Variants in NIN observed in about 807,000 individuals in gnomAD.
The protein encoded by NIN is ninein.
A neutral mutation model predicts 257.6 loss-of-function variants in NIN; 137 were observed. The observed-to-expected ratio is 0.53, with a 90% CI of 0.46 to 0.61. NIN has a LOEUF of 0.61. Among genes scored for constraint, NIN ranks in the 20% least tolerant of loss-of-function variants. The pLI, the probability that NIN is intolerant of heterozygous loss-of-function variation, is 0.00. For synonymous variants in NIN, 918 were observed against 919.8 expected (o/e 1.00, Z 0.04); for missense variants, 2,439 against 2,501.2 (o/e 0.98, Z 0.53).
rs1027025772 is a variant in NIN at position 50,723,364 on chromosome 14, T to C, written c.*99A>G. On this transcript the variant is annotated 3_prime_UTR_variant, in exon 31 of 31. Transcript: ENST00000530997. ...TAAATGGAAACTCCAGTTGTGTTGC[T>C]GGCAGTTTTAGGTTAGGCTTAATTT... 4 of 939,648 alleles carry C rather than the reference T, an allele frequency of 4.3e-6. No individual in the cohort carries two copies. The highest frequency in any genetic ancestry group is 2.5e-5 in the Admixed American group (1 of 39,736). 58.2% of individuals were successfully genotyped at this position (939,648 alleles called of 1,614,324 possible).
rs2045245198 is a variant in NIN, at chr14:50,822,004, T to C, written c.53A>G (p.Asp18Gly). 1 of 1,614,108 alleles carries C rather than the reference T, an allele frequency of 6.2e-7. No individual in the cohort carries two copies. Among genetic ancestry groups the C allele is most frequent in the Non-Finnish European group, 8.5e-7 (1 of 1,180,010 alleles). Residue 18 changes from aspartate (D) to glycine (G), a missense_variant, in exon 3 of 31, where the codon GAC becomes GGC. This residue lies in a region of NIN where 387 missense variants were observed against 427.3 expected (regional missense o/e 0.91). Transcript: ENST00000530997. ...QHEARLKELFDSFDTTGTGSL... is the reference protein window; with the variant it reads ...QHEARLKELFGSFDTTGTGSL... ...CCCTGTGCCCGTCGTGTCAAAACTG[T>C]CAAACAGCTCCTTGAGTCGGGCCTC...
intron 3 of NIN, among the ~76,000 whole-genome samples, chr14:50,813,460 A>G (rs2044734631): frequency 6.6e-6 from 1 of 152,230 alleles, no homozygotes; most frequent in Non-Finnish European, 1.5e-5. Flanking sequence ...AATTAAGAGG[A>G]AGACCAGTCA....
At chr14:50,809,426 CCT>C (rs1054739412) in intron 3 of NIN, among the ~76,000 whole-genome samples, 13 of 152,002 alleles carry the variant, frequency 8.6e-5, no homozygotes, top group Non-Finnish European at 1.6e-4. Context: ...CTCTAGGTTT[CCT>C]CTCTCTCTTA....
chr14:50,753,837 T>C (rs1329613078), intron 20 of NIN, among the ~76,000 whole-genome samples: 2 of 152,196 alleles, frequency 1.3e-5, no homozygotes, highest in African/African-American at 4.8e-5. Context: ...CTTATTGAAT[T>C]TGCACTTCTC....
At chr14:50,727,555 A>G in intron 29 of NIN, 1 of 1,288,846 alleles carries the variant, frequency 7.8e-7, no homozygotes. Context: ...AACAGTAAAA[A>G]TAATAAAATA....
chr14:50,735,010 G>C (rs1429067621), intron 28 of NIN, among the ~76,000 whole-genome samples: 5 of 152,108 alleles, frequency 3.3e-5, no homozygotes, highest in African/African-American at 1.2e-4. Flanking sequence ...ATAGTGATCA[G>C]ATGTACCTCT....
intron 13 of NIN, 40 bp from the exon 14 acceptor site, chr14:50,766,436 T>C: frequency 6.3e-7 from 1 of 1,582,238 alleles, no homozygotes; most frequent in Non-Finnish European, 8.7e-7. Context: ...TTTTCCCGAG[T>C]GCCCTTCTTT....
chr14:50,796,843 C>T (rs2043861703), intron 4 of NIN, among the ~76,000 whole-genome samples: 1 of 152,096 alleles, frequency 6.6e-6, no homozygotes, highest in South Asian at 2.1e-4. Flanking sequence ...TAAAGCTCTC[C>T]CCTAAAACTG....
intron 28 of NIN, among the ~76,000 whole-genome samples, chr14:50,733,435 T>C (rs538278667): frequency 2.4e-4 from 36 of 152,304 alleles, no homozygotes; most frequent in African/African-American, 7.9e-4. Flanking sequence ...TTAGAATAAA[T>C]AGGTATGAGA....
chr14:50,811,262 C>A (rs2044589285), intron 3 of NIN, among the ~76,000 whole-genome samples: 1 of 152,010 alleles, frequency 6.6e-6, no homozygotes, highest in Non-Finnish European at 1.5e-5. Context: ...GCGCCCACCA[C>A]CACGCCCAGC....
chr14:50,750,520 C>T (rs1199201393), intron 21 of NIN, among the ~76,000 whole-genome samples: 2 of 152,144 alleles, frequency 1.3e-5, no homozygotes, highest in East Asian at 3.8e-4. Flanking sequence ...TAACCCATAC[C>T]TCTTATGAGA....
intron 21 of NIN, among the ~76,000 whole-genome samples, chr14:50,748,441 T>C (rs1285805559): frequency 1.3e-5 from 2 of 152,188 alleles, no homozygotes; most frequent in Non-Finnish European, 2.9e-5. Flanking sequence ...TCACCACTCC[T>C]ATTCAACATA....
Position 50,821,898 on chromosome 14 carries a change from T to C in NIN, c.159A>G (p.Leu53=). The C allele has an allele frequency of 6.2e-7, 1 of 1,614,030 alleles. No individual in the cohort carries two copies. The highest frequency in any genetic ancestry group is 8.5e-7 in the Non-Finnish European group (1 of 1,179,972). ...EEVAPVLQQT[L]LQDNLLGRVH... ...CCCTGCCCAAGAGGTTGTCCTGAAG[T>C]AATGTCTGCTGCAGCACTGGGGCCA... Residue 53 remains leucine, a synonymous_variant, in exon 3 of 31, where the codon TTA becomes TTG. Coordinates refer to ENST00000530997, the MANE Select transcript of NIN (RefSeq NM_020921.4).
chr14:50,759,040 C>T (rs190671105), intron 17 of NIN, among the ~76,000 whole-genome samples: 151 of 152,362 alleles, frequency 9.9e-4, no homozygotes, highest in Non-Finnish European at 1.1e-3. Context: ...ATAAATGACA[C>T]ATATGAACAA....
At chr14:50,830,887 G>A (rs1413853968) in intron 1 of NIN, 119 bp downstream of exon 1, 4 of 151,282 alleles carry the variant, frequency 2.6e-5, no homozygotes, top group Admixed American at 6.6e-5. Context: ...AAGCCCCCGA[G>A]TGATCCGGTG....
chr14:50,761,897 C>G lies in NIN; in HGVS notation c.1789G>C (p.Glu597Gln). 2 of 1,614,150 alleles carry G rather than the reference C, an allele frequency of 1.2e-6. No homozygotes were observed. Among genetic ancestry groups the G allele is most frequent in the Non-Finnish European group, 1.7e-6 (2 of 1,180,004 alleles). ...ATGCTCATATTCAATGGATTGCATT[C>G]TTCAGAACCGAGCCCTGAAAACACA... ...IEPEHGLGSE[E>Q]CNPLNMSIEA... The change falls in exon 16 of 31, where the codon GAA becomes CAA. Residue 597 changes from glutamate (E) to glutamine (Q), a missense_variant. By Grantham distance (29) the Glu-to-Gln change is conservative. Around this residue, in one of 3 missense-constraint regions of NIN, gnomAD observed 2,043 missense variants for 2,050.2 expected, o/e 1.00. Transcript: ENST00000530997.
At chr14:50,781,806 C>T (rs899255703) in intron 5 of NIN, among the ~76,000 whole-genome samples, 1 of 152,220 alleles carries the variant, frequency 6.6e-6, no homozygotes, top group Admixed American at 6.5e-5. Context: ...AAGCTCTACA[C>T]AATTTTGTTA....
In NIN at chr14:50,747,616, C is replaced by T. The variant is rs534664006; in HGVS notation, c.5064+376G>A. Among the ~76,000 whole-genome samples the T allele has an allele frequency of 2.0e-5, 3 of 152,088 alleles. No homozygotes were observed. In the South Asian group the frequency reaches 6.2e-4, roughly 32 times the overall value. ...GGGCGTGGTGATGGGCACCTGTAAT[C>T]CCAGCTACTCGGGGGGCTGAGGCAT... is the stretch of plus-strand genomic sequence containing the variant. On this transcript the variant is annotated intron_variant, in intron 22 of 30. Transcript: ENST00000530997.
At chr14:50,764,070 G>T in intron 14 of NIN, 106 bp from the exon 15 acceptor site, 1 of 963,860 alleles carries the variant, frequency 1.0e-6, no homozygotes, top group Non-Finnish European at 1.6e-6. Flanking sequence ...AATCTTTTGT[G>T]CTTCAAAGGA....
Sources: gnomAD v4.1 joint callset for allele counts (sites outside exome capture counted in the v4.1 genomes callset) on GRCh38, gnomAD v4.1.1 for gene constraint, gnomAD v4.1.1 regional missense constraint, MANE v1.5 for transcripts, NCBI Gene and HGNC (gene_info 2026-07-23, HGNC 2026-07-21) for gene names.